Variants in MIPOL1 observed in about 807,000 individuals in gnomAD.
MIPOL1 encodes the protein mirror-image polydactyly gene 1 protein.
MIPOL1 carries 57 observed loss-of-function variants against 60.9 expected under a neutral mutation model. The observed-to-expected ratio is 0.94, with a 90% CI of 0.76 to 1.17. MIPOL1 has a LOEUF of 1.17. Among genes scored for constraint, MIPOL1 ranks in the 50% most tolerant of loss-of-function variants. The pLI is 0.00. For missense variants in MIPOL1, 551 were observed against 511.6 expected (o/e 1.08, Z -0.74); for synonymous variants, 179 against 168.8 (o/e 1.06, Z -0.47).
intron 11 of MIPOL1, among the ~76,000 whole-genome samples, chr14:37,439,478 G>A (rs186977634): frequency 2.0e-5 from 3 of 152,156 alleles, no homozygotes; most frequent in African/African-American, 7.2e-5. Flanking sequence ...CTTATTTTTT[G>A]AAGCATTAAA....
At chr14:37,345,903 C>A (rs766098701) in intron 9 of MIPOL1, among the ~76,000 whole-genome samples, 1 of 152,152 alleles carries the variant, frequency 6.6e-6, no homozygotes, top group African/African-American at 2.4e-5. Flanking sequence ...TGGTGAGAAT[C>A]TTAGTTCTTC....
At chr14:37,280,481 G>T (rs1298017868) in intron 6 of MIPOL1, among the ~76,000 whole-genome samples, 1 of 152,118 alleles carries the variant, frequency 6.6e-6, no homozygotes, top group Non-Finnish European at 1.5e-5. Flanking sequence ...ACCAACACTT[G>T]TTATCTTTCG....
intron 11 of MIPOL1, among the ~76,000 whole-genome samples, chr14:37,467,651 G>A (rs1000532135): frequency 6.6e-6 from 1 of 152,074 alleles, no homozygotes; most frequent in Admixed American, 6.6e-5. Flanking sequence ...CAAGACTTAA[G>A]GAAATACAGA....
At chr14:37,406,942 A>C (rs2093597697) in intron 10 of MIPOL1, among the ~76,000 whole-genome samples, 1 of 152,118 alleles carries the variant, frequency 6.6e-6, no homozygotes, top group South Asian at 2.1e-4. Context: ...AGTAACGGGC[A>C]TCTAACTAGC....
intron 11 of MIPOL1, among the ~76,000 whole-genome samples, chr14:37,477,522 T>C (rs1431236401): frequency 6.6e-6 from 1 of 152,160 alleles, no homozygotes; most frequent in African/African-American, 2.4e-5. Flanking sequence ...TTCATAACGT[T>C]TTTCTATTAT....
In MIPOL1 at chr14:37,500,023, C is replaced by T; in HGVS notation, c.1147C>T (p.Gln383Ter). The change falls in exon 12 of 13, where the codon CAA (glutamine) becomes TAA (stop). Residue 383 changes from glutamine (Q) to a stop codon, truncating the protein, a stop_gained. Transcript: ENST00000684589. LOFTEE classifies it high-confidence loss of function. ...GAACATTGTTTCCATCACTCAACAA[C>T]AAAATGAGGAACTGGCTACTCAACT... Reference protein sequence around the residue: ...RENIVSITQQQNEELATQLQQ... With the variant: ...RENIVSITQQ The T allele has an allele frequency of 6.2e-7, 1 of 1,613,754 alleles. No homozygotes were observed. The highest frequency in any genetic ancestry group is 8.5e-7 in the Non-Finnish European group (1 of 1,179,792).
At chr14:37,302,262 G>GTTTTTT (rs57468146) in intron 7 of MIPOL1, among the ~76,000 whole-genome samples, 24 of 95,018 alleles carry the variant, frequency 2.5e-4, no homozygotes, top group African/African-American at 3.8e-4. Flanking sequence ...TGGAACTGTT[G>GTTTTTT]TTTTTTTTTT....
At chr14:37,411,519 C>G (rs537917786) in intron 10 of MIPOL1, among the ~76,000 whole-genome samples, 2 of 152,096 alleles carry the variant, frequency 1.3e-5, no homozygotes, top group Non-Finnish European at 2.9e-5. Context: ...TAAAGATCAT[C>G]AGAGATTCTG....
chr14:37,547,605 T>C lies in MIPOL1; in HGVS notation c.*634T>C, dbSNP rs749631818. The C allele has an allele frequency of 6.6e-6, 1 of 152,622 alleles. No homozygotes were observed. Among genetic ancestry groups the C allele is most frequent in the Non-Finnish European group, 1.5e-5 (1 of 68,018 alleles). 9.5% of individuals were successfully genotyped at this position (152,622 alleles called of 1,614,324 possible). A position where few individuals can be genotyped will look rare whatever the true frequency, so the allele number is the denominator to read the frequency against. On this transcript the variant is annotated 3_prime_UTR_variant, in exon 13 of 13. Transcript: ENST00000684589. ...CATCAAGGCATGATTTTTGTTTCACTACAAATAATGCAAACTGTTTTCAAT... is the reference window on the plus strand; with the variant it reads ...CATCAAGGCATGATTTTTGTTTCACCACAAATAATGCAAACTGTTTTCAAT...
At chr14:37,337,197 T>G (rs901037064) in intron 9 of MIPOL1, among the ~76,000 whole-genome samples, 7 of 150,950 alleles carry the variant, frequency 4.6e-5, no homozygotes, top group African/African-American at 1.7e-4. Context: ...CTGTTGGGGA[T>G]CTAGGGCTTG....
chr14:37,393,404 T>TTGTGTG (rs66937049), intron 10 of MIPOL1, among the ~76,000 whole-genome samples: 171 of 117,994 alleles, frequency 1.4e-3, no homozygotes, highest in African/African-American at 5.3e-3. Context: ...TGTTTTGTTT[T>TTGTGTG]TGTGTGTGTG....
chr14:37,519,134 T>G (rs1421482091), intron 12 of MIPOL1, among the ~76,000 whole-genome samples: 2 of 152,092 alleles, frequency 1.3e-5, no homozygotes, highest in African/African-American at 4.8e-5. Flanking sequence ...AGCTATAAAA[T>G]TAGTTAAAAG....
intron 9 of MIPOL1, among the ~76,000 whole-genome samples, chr14:37,311,578 T>TTA (rs1441607626): frequency 6.6e-6 from 1 of 152,224 alleles, no homozygotes; most frequent in African/African-American, 2.4e-5. Context: ...CATTGTATAC[T>TTA]TACACTTTTG....
chr14:37,253,996 G>T (rs1231157455), intron 3 of MIPOL1, among the ~76,000 whole-genome samples: 1 of 151,636 alleles, frequency 6.6e-6, no homozygotes, highest in Non-Finnish European at 1.5e-5. Flanking sequence ...TCTGAGATCT[G>T]ATTAAATTTA....
intron 1 of MIPOL1, among the ~76,000 whole-genome samples, chr14:37,215,399 C>G (rs1201907845): frequency 1.3e-5 from 2 of 151,930 alleles, no homozygotes; most frequent in African/African-American, 4.8e-5. Flanking sequence ...AATCTTTTGT[C>G]TCCGCACACG....
At chr14:37,268,824 G>A in intron 5 of MIPOL1, 31 bp downstream of exon 5, 2 of 1,487,118 alleles carry the variant, frequency 1.3e-6, no homozygotes, top group East Asian at 2.4e-5. Context: ...TAATTGTATA[G>A]TATGGGTTTA....
intron 7 of MIPOL1, among the ~76,000 whole-genome samples, chr14:37,296,547 T>C (rs1315312227): frequency 1.3e-5 from 2 of 152,060 alleles, no homozygotes; most frequent in Non-Finnish European, 2.9e-5. Context: ...ACAAAATTGA[T>C]AGACCATTAG....
At chr14:37,497,034 G>T (rs2095141930) in intron 11 of MIPOL1, among the ~76,000 whole-genome samples, 1 of 151,844 alleles carries the variant, frequency 6.6e-6, no homozygotes, top group Non-Finnish European at 1.5e-5. Context: ...AGAAAAACAG[G>T]CAATGGGGAA....
At chr14:37,359,475 T>A (rs575775030) in intron 9 of MIPOL1, among the ~76,000 whole-genome samples, 1 of 152,234 alleles carries the variant, frequency 6.6e-6, no homozygotes, top group Non-Finnish European at 1.5e-5. Context: ...GAGCATAGAA[T>A]GTTCTTCCAT....
Sources: allele counts gnomAD v4.1 joint callset (sites outside exome capture counted in the v4.1 genomes callset), GRCh38; gene constraint gnomAD v4.1.1; transcripts MANE v1.5; gene names NCBI Gene and HGNC (gene_info 2026-07-23, HGNC 2026-07-21).